RSPO4: variants seen among roughly 807,000 people sequenced by gnomAD.
RSPO4 encodes R-spondin 4, also known as R-spondin-4.
A neutral mutation model predicts 24.8 loss-of-function variants in RSPO4; 23 were observed. The observed-to-expected ratio is 0.93, with a 90% CI of 0.67 to 1.31. The LOEUF is 1.31. Ranked by LOEUF, RSPO4 falls within the 40% of genes most tolerant of loss-of-function variation. The pLI is 0.00. For missense variants in RSPO4, 333 were observed against 316.5 expected, an observed-to-expected ratio of 1.05 and a Z score of -0.39; for synonymous variants, 141 against 127.4, an observed-to-expected ratio of 1.11 and a Z score of -0.72.
chr20:971,354 C>T (rs1984401843), intron 1 of RSPO4, among the ~76,000 whole-genome samples: 2 of 152,250 alleles, frequency 1.3e-5, no homozygotes, highest in Admixed American at 1.3e-4. Flanking sequence ...AGGGACCATG[C>T]TCTCAGAAAC....
rs74315423 is a variant in RSPO4, at chr20:968,000, C to T, written c.218G>A (p.Cys73Tyr). Residue 73 changes from cysteine (C) to tyrosine (Y), a missense_variant, in exon 2 of 5, where the codon TGT becomes TAT. Cys to Tyr is a radical substitution (Grantham distance 194). Coordinates refer to ENST00000217260, the MANE Select transcript of RSPO4 (RefSeq NM_001029871.4). ...IRQYGKCLHD[C>Y]PPGYFGIRGQ... ...GCGGATGCCGAAGTACCCAGGGGGA[C>T]AGTCGTGCAGGCACTTGCCGTACTG... 30 of 1,614,142 alleles carry T rather than the reference C, an allele frequency of 1.9e-5. No homozygotes were observed. The highest frequency in any genetic ancestry group is 2.5e-5 in the Non-Finnish European group (29 of 1,180,060).
At chr20:988,826 C>T (rs1184412260) in intron 1 of RSPO4, among the ~76,000 whole-genome samples, 2 of 152,186 alleles carry the variant, frequency 1.3e-5, no homozygotes, top group African/African-American at 2.4e-5. Flanking sequence ...GCTGGGATAA[C>T]AGGCGAGAGC....
intron 1 of RSPO4, among the ~76,000 whole-genome samples, chr20:988,379 T>G (rs1465201055): frequency 6.6e-6 from 1 of 152,076 alleles, no homozygotes; most frequent in East Asian, 1.9e-4. Context: ...GTGTATGGGC[T>G]GTGGTCATTC....
intron 1 of RSPO4, among the ~76,000 whole-genome samples, chr20:984,026 A>G (rs1330260380): frequency 6.6e-6 from 1 of 152,180 alleles, no homozygotes; most frequent in African/African-American, 2.4e-5. Flanking sequence ...CTCACCTTAC[A>G]TAATTAAGCT....
At chr20:982,377 T>C (rs974148799) in intron 1 of RSPO4, among the ~76,000 whole-genome samples, 3 of 152,344 alleles carry the variant, frequency 2.0e-5, no homozygotes, top group Non-Finnish European at 4.4e-5. Context: ...AATTGTCCTA[T>C]AGGTAAAACT....
At chr20:988,876 A>G (rs1429731852) in intron 1 of RSPO4, among the ~76,000 whole-genome samples, 1 of 152,074 alleles carries the variant, frequency 6.6e-6, no homozygotes, top group Non-Finnish European at 1.5e-5. Context: ...AGAGGCCTAG[A>G]CCTAGAATCC....
At chr20:972,641 C>A (rs1387663631) in intron 1 of RSPO4, among the ~76,000 whole-genome samples, 2 of 152,228 alleles carry the variant, frequency 1.3e-5, no homozygotes, top group Non-Finnish European at 2.9e-5. Context: ...GGGCTGCCCA[C>A]CGCCGAGATT....
intron 1 of RSPO4, among the ~76,000 whole-genome samples, chr20:995,414 G>A (rs1207981772): frequency 6.6e-6 from 1 of 152,112 alleles, no homozygotes; most frequent in East Asian, 1.9e-4. Flanking sequence ...TGGCGGTAGA[G>A]GCATATCCAC....
intron 4 of RSPO4, among the ~76,000 whole-genome samples, chr20:962,336 C>T (rs914186290): frequency 3.9e-5 from 6 of 152,236 alleles, no homozygotes; most frequent in African/African-American, 9.6e-5. Context: ...GGAGCTACAG[C>T]GGGGTTGTTG....
rs1324745138 is a variant in RSPO4 at position 960,478 on chromosome 20, G to A, written c.596-12C>T. On this transcript the variant is annotated splice_polypyrimidine_tract_variant and intron_variant, in intron 4 of 4. Coordinates refer to ENST00000217260, the MANE Select transcript of RSPO4 (RefSeq NM_001029871.4). ...GCCGGGGCTCCTCTCTGCAATGAGA[G>A]GACAGAGCCCGGTGACCAAGGCTGC... 1.3e-6 allele frequency: 2 copies of A among 1,532,772 alleles called. No individual in the cohort carries two copies. Among genetic ancestry groups the A allele is most frequent in the South Asian group, 2.4e-5 (2 of 83,946 alleles). The allele number at this position is 1,532,772 out of a possible 1,614,324, so 94.9% of individuals were successfully genotyped here. A position where few individuals can be genotyped will look rare whatever the true frequency, so the allele number is the denominator to read the frequency against.
chr20:977,815 C>T (rs1484384521), intron 1 of RSPO4, among the ~76,000 whole-genome samples: 1 of 152,200 alleles, frequency 6.6e-6, no homozygotes, highest in African/African-American at 2.4e-5. Flanking sequence ...GACCCAGAAC[C>T]ATGCAGGAGG....
In RSPO4 at chr20:968,032, G is replaced by C. The variant is rs1195250215; in HGVS notation, c.186C>G (p.Gly62=). 2.5e-6 allele frequency: 4 copies of C among 1,614,124 alleles called. No homozygotes were observed. The Admixed American group carries it at 6.7e-5, about 27-fold the overall frequency. The part of the protein sequence containing the change: ...QRLFLFIRRE[G]IRQYGKCLHD... ...GCAGGCACTTGCCGTACTGGCGGAT[G>C]CCTTCCCGGCGGATGAACAGGAAGA... The change falls in exon 2 of 5, where the codon GGC becomes GGG. Residue 62 remains glycine, a synonymous_variant. Transcript: ENST00000217260.
At chr20:993,255 A>C (rs537620771) in intron 1 of RSPO4, among the ~76,000 whole-genome samples, 184 of 152,342 alleles carry the variant, frequency 1.2e-3, no homozygotes, top group Middle Eastern at 6.8e-3. Context: ...GGCCCTATGA[A>C]TCATGCTGCA....
intron 1 of RSPO4, among the ~76,000 whole-genome samples, chr20:997,454 T>C (rs569867900): frequency 2.2e-4 from 34 of 152,318 alleles, no homozygotes; most frequent in Admixed American, 7.8e-4. Context: ...CCAGCCCCTA[T>C]GCTATGAAGA....
intron 1 of RSPO4, among the ~76,000 whole-genome samples, chr20:977,381 T>C (rs1984597694): frequency 6.6e-6 from 1 of 152,232 alleles, no homozygotes; most frequent in African/African-American, 2.4e-5. Flanking sequence ...CATGTGACCT[T>C]GACCCAGTGC....
Position 964,128 on chromosome 20 carries a change from G to A in RSPO4, c.410-8C>T, listed in dbSNP as rs750873083. The A allele has an allele frequency of 6.2e-7, 1 of 1,605,202 alleles. No individual in the cohort carries two copies. Among genetic ancestry groups the A allele is most frequent in the Admixed American group, 1.7e-5 (1 of 59,526 alleles). On this transcript the variant is annotated splice_region_variant and splice_polypyrimidine_tract_variant and intron_variant, in intron 3 of 4. Transcript: ENST00000217260. The stretch of plus-strand genomic sequence containing the variant: ...GACCCAGTTCACACTCCCCTGTGGG[G>A]TGAAAGGAGAGACAGACAGACAGAC...
chr20:993,535 C>T (rs1231018695), intron 1 of RSPO4, among the ~76,000 whole-genome samples: 2 of 152,096 alleles, frequency 1.3e-5, no homozygotes, highest in Non-Finnish European at 2.9e-5. Flanking sequence ...AGTTGATTCC[C>T]CTCCCTGAAT....
intron 1 of RSPO4, among the ~76,000 whole-genome samples, chr20:997,698 A>G (rs1985338871): frequency 6.6e-6 from 1 of 152,240 alleles, no homozygotes; most frequent in Non-Finnish European, 1.5e-5. Context: ...TACAGGAGAC[A>G]GTGCTGTCTG....
chr20:1,002,274 G>C lies in RSPO4; in HGVS notation c.-110C>G. 1.9e-6 allele frequency: 1 copy of C among 514,192 alleles called. No individual in the cohort carries two copies. Among genetic ancestry groups the C allele is most frequent in the Non-Finnish European group, 2.7e-6 (1 of 373,030 alleles). The allele number at this position is 514,192 out of a possible 1,614,324, so 31.9% of individuals were successfully genotyped here. A position where few individuals can be genotyped will look rare whatever the true frequency, so the allele number is the denominator to read the frequency against. On this transcript the variant is annotated 5_prime_UTR_variant, in exon 1 of 5. Coordinates refer to ENST00000217260, the MANE Select transcript of RSPO4 (RefSeq NM_001029871.4). The surrounding 1 kb of genome is among the most constrained non-coding windows in gnomAD (Gnocchi z 4.6). ...GGGGGCTGCTGTGGGCGCGCCGGGC[G>C]CATCCGCCAGGCGCGGGTCGGTCCG...
Sources: gnomAD v4.1 joint callset for allele counts (sites outside exome capture counted in the v4.1 genomes callset) on GRCh38, gnomAD v4.1.1 for gene constraint, Gnocchi (gnomAD v3.1) non-coding constraint, MANE v1.5 for transcripts, NCBI Gene and HGNC (gene_info 2026-07-23, HGNC 2026-07-21) for gene names.